DTNB: variants seen among roughly 807,000 people sequenced by gnomAD.
DTNB encodes DTN-B.
DTNB carries 63 observed loss-of-function variants against 90.7 expected under a neutral mutation model. The ratio of observed to expected loss-of-function variants is 0.69; its 90% CI spans 0.57 to 0.86. The LOEUF (loss-of-function observed/expected upper bound fraction) is 0.86. Among genes scored for constraint, DTNB ranks in the 40% least tolerant of loss-of-function variants. DTNB has a pLI of 0.00. For missense variants in DTNB, 744 were observed against 807.1 expected (o/e 0.92, Z 0.95); for synonymous variants, 277 against 286.7 (o/e 0.97, Z 0.34).
At chr2:25,421,308 TAAG>T (rs2149814699) in intron 15 of DTNB, 1 of 152,048 alleles carries the variant, frequency 6.6e-6, no homozygotes, top group African/African-American at 2.4e-5. Context: ...AGAAATCTCT[TAAG>T]GAGACTCCCA....
intron 6 of DTNB, 77 bp downstream of exon 6, chr2:25,596,009 A>G: frequency 7.3e-7 from 1 of 1,367,620 alleles, no homozygotes; most frequent in Non-Finnish European, 9.5e-7. Flanking sequence ...ACTGGAAGCA[A>G]TCTGGCAAAA....
At chr2:25,488,826 T>G (rs1190791559) in intron 9 of DTNB, among the ~76,000 whole-genome samples, 1 of 152,186 alleles carries the variant, frequency 6.6e-6, no homozygotes, top group African/African-American at 2.4e-5. Flanking sequence ...AATTTTTGTA[T>G]TTTTTGTAGA....
chr2:25,452,296 T>G (rs1367684254), intron 11 of DTNB, among the ~76,000 whole-genome samples: 2 of 152,202 alleles, frequency 1.3e-5, no homozygotes, highest in Non-Finnish European at 2.9e-5. Flanking sequence ...GGTATCTGGA[T>G]GAGGGAAGGG....
At chr2:25,538,029 C>T (rs2080231835) in intron 8 of DTNB, among the ~76,000 whole-genome samples, 1 of 152,092 alleles carries the variant, frequency 6.6e-6, no homozygotes, top group African/African-American at 2.4e-5. Context: ...ACCGTAATCC[C>T]CTTTACCTAA....
intron 10 of DTNB, among the ~76,000 whole-genome samples, chr2:25,482,510 G>A (rs1416613376): frequency 1.3e-5 from 2 of 152,068 alleles, no homozygotes; most frequent in Admixed American, 6.5e-5. Flanking sequence ...GATCTGAAAC[G>A]TGCCTAATCT....
intron 10 of DTNB, among the ~76,000 whole-genome samples, chr2:25,472,886 C>CTAAA (rs1000632217): frequency 4.6e-5 from 7 of 152,272 alleles, no homozygotes; most frequent in African/African-American, 1.7e-4. Context: ...AACTCCATCC[C>CTAAA]TAAATAAATA....
intron 3 of DTNB, among the ~76,000 whole-genome samples, chr2:25,633,065 A>C (rs1559319119): frequency 6.6e-6 from 1 of 152,258 alleles, no homozygotes; most frequent in East Asian, 1.9e-4. Context: ...CAGATAAATT[A>C]ATATGAGTCG....
Position 25,455,449 on chromosome 2 carries a change from A to C in DTNB, c.1125T>G (p.His375Gln), listed in dbSNP as rs2059870464. Residue 375 changes from histidine to glutamine, a missense_variant, in exon 11 of 21, where the codon CAT becomes CAG. Transcript: ENST00000406818. ...QDIPSHLADE[H>Q]ALIASYVARL... ...GGGCCACATAGGAGGCTATCAGCGC[A>C]TGCTCATCGGCCAAGTGACTGGGTA... is the stretch of plus-strand genomic sequence containing the variant. The C allele has an allele frequency of 1.2e-6, 2 of 1,607,606 alleles. No individual in the cohort carries two copies. The highest frequency in any genetic ancestry group is 1.1e-5 in the South Asian group (1 of 89,296).
intron 12 of DTNB, among the ~76,000 whole-genome samples, chr2:25,445,330 T>G (rs562577921): frequency 6.6e-6 from 1 of 152,340 alleles, no homozygotes; most frequent in Non-Finnish European, 1.5e-5. Context: ...CTCAGGCTTT[T>G]TCTTCTATTC....
chr2:25,617,043 A>G (rs1427340918), intron 4 of DTNB, among the ~76,000 whole-genome samples: 1 of 151,376 alleles, frequency 6.6e-6, no homozygotes, highest in East Asian at 1.9e-4. Flanking sequence ...CTGTTTAACC[A>G]TTTTTCTTAT....
At chr2:25,462,052 G>A (rs940590363) in intron 10 of DTNB, among the ~76,000 whole-genome samples, 16 of 152,188 alleles carry the variant, frequency 1.1e-4, no homozygotes, top group African/African-American at 3.9e-4. Flanking sequence ...GTCTAAAGCA[G>A]CATTTCTAAA....
At chr2:25,416,813 G>GAAGGAAGGAAGGAAGGAAGGAAGGAAGC (rs1558429709) in intron 16 of DTNB, among the ~76,000 whole-genome samples, 4 of 119,066 alleles carry the variant, frequency 3.4e-5, no homozygotes, top group African/African-American at 1.2e-4. Flanking sequence ...ACGAAGGAAG[G>GAAGGAAGGAAGGAAGGAAGGAAGGAAGC]AAGGAAGGAA....
chr2:25,529,160 T>C (rs925953076), intron 9 of DTNB, among the ~76,000 whole-genome samples: 5 of 152,214 alleles, frequency 3.3e-5, no homozygotes, highest in African/African-American at 1.2e-4. Context: ...GGATGGACAA[T>C]TTGACCAAAG....
chr2:25,652,558 C>T, intron 2 of DTNB, 36 bp downstream of exon 2: 1 of 1,338,764 alleles, frequency 7.5e-7, no homozygotes, highest in Non-Finnish European at 1.0e-6. Flanking sequence ...ACCACACAAA[C>T]ATTCCCGCAC....
chr2:25,428,729 G>C (rs2052775393), intron 14 of DTNB, among the ~76,000 whole-genome samples: 1 of 152,046 alleles, frequency 6.6e-6, no homozygotes, highest in Admixed American at 6.6e-5. Flanking sequence ...CACCGCACCT[G>C]GCTCTTTCAT....
In DTNB at chr2:25,386,942, G is replaced by A. The variant is rs372657143; in HGVS notation, c.1825+347C>T. Among the ~76,000 whole-genome samples, 31 of 152,304 alleles carry A rather than the reference G, an allele frequency of 2.0e-4. No individual in the cohort carries two copies. The South Asian group carries it at 5.2e-3, about 25-fold the overall frequency. ...AGGGAAGTTTCAGAATGAGGTGGTC[G>A]GTCAGGCCTAGGGAGAGAGCGGCTG... is the stretch of plus-strand genomic sequence containing the variant. On this transcript the variant is annotated intron_variant, in intron 18 of 20. Coordinates refer to ENST00000406818, the MANE Select transcript of DTNB (RefSeq NM_021907.5).
intron 9 of DTNB, among the ~76,000 whole-genome samples, chr2:25,512,945 G>A (rs960922935): frequency 6.6e-6 from 1 of 152,240 alleles, no homozygotes; most frequent in Non-Finnish European, 1.5e-5. Flanking sequence ...AGCACGAGGA[G>A]TGCCTCCTTC....
At chr2:25,592,887 C>T (rs1389082045) in intron 6 of DTNB, among the ~76,000 whole-genome samples, 1 of 152,222 alleles carries the variant, frequency 6.6e-6, no homozygotes, top group Non-Finnish European at 1.5e-5. Flanking sequence ...ACTGGTATCA[C>T]TGTCGGATGG....
chr2:25,428,702 G>A (rs939561672), intron 14 of DTNB, among the ~76,000 whole-genome samples: 2 of 152,074 alleles, frequency 1.3e-5, no homozygotes, highest in African/African-American at 2.4e-5. Flanking sequence ...CAAAGTGCTG[G>A]GATTACAGTC....
Sources: allele counts gnomAD v4.1 joint callset (sites outside exome capture counted in the v4.1 genomes callset), GRCh38; gene constraint gnomAD v4.1.1; transcripts MANE v1.5; gene names NCBI Gene and HGNC (gene_info 2026-07-23, HGNC 2026-07-21).